Variants in CDH5 observed in about 807,000 individuals in gnomAD.
CDH5 encodes the protein cadherin-5.
CDH5 carries 28 observed loss-of-function variants against 62.0 expected under a neutral mutation model. That is an observed-to-expected ratio of 0.45 (90% confidence interval 0.33 to 0.62). The LOEUF (loss-of-function observed/expected upper bound fraction) is 0.62. Ranked by LOEUF, CDH5 falls within the 20% of genes least tolerant of loss-of-function variation. The pLI, the probability that CDH5 is intolerant of heterozygous loss-of-function variation, is 0.02. For synonymous variants in CDH5, 464 were observed against 445.8 expected, an observed-to-expected ratio of 1.04 and a Z score of -0.52; for missense variants, 940 against 1,065.1, an observed-to-expected ratio of 0.88 and a Z score of 1.63.
chr16:66,395,970 C>A, intron 7 of CDH5, 89 bp from the exon 8 acceptor site: 2 of 1,355,004 alleles, frequency 1.5e-6, no homozygotes, highest in Non-Finnish European at 2.0e-6. Flanking sequence ...ATGCAGGGGA[C>A]AGATGCAGAA....
Position 66,389,507 on chromosome 16 carries a change from C to G in CDH5, c.766C>G (p.Pro256Ala). ...TCTGCAAGACATCAATGACAACTTC[C>G]CCTTCTTCACCCAGAGTGAGCCCCT... ...VTLQDINDNFPFFTQTKYTFV... is the reference protein window; with the variant it reads ...VTLQDINDNFAFFTQTKYTFV... The change falls in exon 5 of 12, where the codon CCC becomes GCC. Residue 256 changes from proline (P) to alanine (A), a missense_variant. Pro to Ala is a conservative substitution (Grantham distance 27, BLOSUM62 -1). Coordinates refer to ENST00000341529, the MANE Select transcript of CDH5 (RefSeq NM_001795.5). The G allele has an allele frequency of 3.1e-6, 5 of 1,593,810 alleles. No homozygotes were observed. Among genetic ancestry groups the G allele is most frequent in the Non-Finnish European group, 4.3e-6 (5 of 1,166,184 alleles).
At position 66,389,458 on chromosome 16, in the gene CDH5, G is replaced by C; in HGVS notation, c.717G>C (p.Ser239=). ...ARDAQGLRGD[S]GTATVLVTLQ... is the part of the protein sequence containing the mutation. ...ATGCCCAGGGCCTCCGGGGGGACTC[G>C]GGCACGGCCACCGTGCTGGTCACTC... Residue 239 remains serine (S), a synonymous_variant, in exon 5 of 12, where the codon TCG becomes TCC. Coordinates refer to ENST00000341529, the MANE Select transcript of CDH5 (RefSeq NM_001795.5). 1 of 1,613,032 alleles carries C rather than the reference G, an allele frequency of 6.2e-7. No individual in the cohort carries two copies. The highest frequency in any genetic ancestry group is 1.1e-5 in the South Asian group (1 of 90,912).
chr16:66,387,058 C>A lies in CDH5; in HGVS notation c.460C>A (p.Arg154=), dbSNP rs565746566. 42 of 1,613,912 alleles carry A rather than the reference C, an allele frequency of 2.6e-5. No individual in the cohort carries two copies. The highest frequency in any genetic ancestry group is 3.5e-5 in the Non-Finnish European group (41 of 1,179,966). The change falls in exon 3 of 12, where the codon CGG becomes AGG. Residue 154 remains arginine, a synonymous_variant. Coordinates refer to ENST00000341529, the MANE Select transcript of CDH5 (RefSeq NM_001795.5). ...VNDNWPVFTH[R]LFNASVPESS... Reference sequence around the variant, plus strand: ...CGACAACTGGCCTGTGTTCACGCATCGGTTGTTCAATGCGTCCGTGCCTGA... The same window carrying A: ...CGACAACTGGCCTGTGTTCACGCATAGGTTGTTCAATGCGTCCGTGCCTGA...
At chr16:66,395,899 A>G (rs1961175961) in intron 7 of CDH5, 160 bp from the exon 8 acceptor site, 1 of 648,994 alleles carries the variant, frequency 1.5e-6, no homozygotes, top group Non-Finnish European at 2.6e-6. Flanking sequence ...CCCTCTGTGT[A>G]GGTCCACTCT....
intron 1 of CDH5, among the ~76,000 whole-genome samples, chr16:66,370,638 C>T (rs1274919754): frequency 1.3e-5 from 2 of 152,146 alleles, no homozygotes; most frequent in East Asian, 3.9e-4. Context: ...CTCTTAGGCC[C>T]AGAACCTGCC....
intron 1 of CDH5, 42 bp from the exon 2 acceptor site, chr16:66,379,277 T>C: frequency 6.9e-7 from 1 of 1,444,984 alleles, no homozygotes; most frequent in South Asian, 1.3e-5. Context: ...ACTCCTTTCA[T>C]CGTCACTGGC....
chr16:66,395,503 C>CTTTTCTTTTTTTTTTTTTTTTTTTTTTT (rs1961164785), intron 7 of CDH5: 2 of 80,958 alleles, frequency 2.5e-5, no homozygotes, highest in Non-Finnish European at 4.4e-5. Flanking sequence ...CTTTTCTTTT[C>CTTTTCTTTTTTTTTTTTTTTTTTTTTTT]TTTTTTTTTT....
In CDH5 at chr16:66,370,457, T is replaced by C. The variant is rs1960667125; in HGVS notation, c.-20+3699T>C. On this transcript the variant is annotated intron_variant, in intron 1 of 11. Coordinates refer to ENST00000341529, the MANE Select transcript of CDH5 (RefSeq NM_001795.5). The stretch of plus-strand genomic sequence containing the variant: ...TTTAAGTTATACCAACAATTGTACC[T>C]ACTCTGACCACCCTACGTGTTGTCT... Among the ~76,000 whole-genome samples, 3 of 152,312 alleles carry C rather than the reference T, an allele frequency of 2.0e-5. No individual in the cohort carries two copies. In the South Asian group the frequency reaches 6.2e-4, roughly 32 times the overall value.
rs2304528 is a variant in CDH5 at position 66,396,234 on chromosome 16, T to G, written c.1360+33T>G. ...GCCACATCTGCCAGGGCACCTGGAT[T>G]CTTTTCCTTTTCCCTCATTCTTCCA... On this transcript the variant is annotated intron_variant, in intron 8 of 11. Coordinates refer to ENST00000341529, the MANE Select transcript of CDH5 (RefSeq NM_001795.5). 8,112 of 1,612,760 alleles carry G rather than the reference T, an allele frequency of 5.0e-3. 249 individuals carry two copies. The East Asian group carries it at 0.086, about 17-fold the overall frequency.
intron 9 of CDH5, 124 bp downstream of exon 9, chr16:66,398,230 C>T: frequency 1.7e-6 from 2 of 1,173,552 alleles, no homozygotes; most frequent in Non-Finnish European, 1.3e-6. Context: ...TAACATTATG[C>T]CCATTTTACA....
chr16:66,397,071 A>G (rs1476675554), intron 8 of CDH5, among the ~76,000 whole-genome samples: 1 of 152,260 alleles, frequency 6.6e-6, no homozygotes, highest in Non-Finnish European at 1.5e-5. Flanking sequence ...CCATGCAGAG[A>G]CAGTTACTAT....
At chr16:66,396,007 G>A (rs1467481638) in intron 7 of CDH5, 52 bp from the exon 8 acceptor site, 12 of 1,586,094 alleles carry the variant, frequency 7.6e-6, no homozygotes, top group Non-Finnish European at 1.0e-5. Flanking sequence ...GCTGAGGAGT[G>A]TAGACTCAGC....
Position 66,402,705 on chromosome 16 carries a change from C to T in CDH5, c.1891C>T (p.His631Tyr). The change falls in exon 12 of 12, where the codon CAC becomes TAC. Residue 631 changes from histidine to tyrosine, a missense_variant. By Grantham distance (83) the His-to-Tyr change is moderately conservative (BLOSUM62 2). Coordinates refer to ENST00000341529, the MANE Select transcript of CDH5 (RefSeq NM_001795.5). ...RRRLRKQARA[H>Y]GKSVPEIHEQ... ...GCGGCTCCGGAAGCAGGCCCGCGCG[C>T]ACGGCAAGAGCGTGCCGGAGATCCA... 1.2e-6 allele frequency: 2 copies of T among 1,608,978 alleles called. No individual in the cohort carries two copies. The highest frequency in any genetic ancestry group is 1.1e-5 in the South Asian group (1 of 90,696).
chr16:66,370,424 G>GGA (rs1216340334), intron 1 of CDH5, among the ~76,000 whole-genome samples: 2 of 152,190 alleles, frequency 1.3e-5, no homozygotes, highest in African/African-American at 4.8e-5. Flanking sequence ...GGAACAAGGA[G>GGA]GAGCTTCTTT....
Position 66,398,068 on chromosome 16 carries a change from T to C in CDH5, c.1447T>C (p.Tyr483His), listed in dbSNP as rs768796798. The C allele has an allele frequency of 3.1e-6, 5 of 1,614,088 alleles. No individual in the cohort carries two copies. The change falls in exon 9 of 12, where the codon TAC (tyrosine) becomes CAC (histidine). Residue 483 changes from tyrosine (Y) to histidine (H), a missense_variant. By Grantham distance (83) the Tyr-to-His change is moderately conservative. Coordinates refer to ENST00000341529, the MANE Select transcript of CDH5 (RefSeq NM_001795.5). Reference sequence around the variant, plus strand: ...CAATGCCCCGGAGTTTGCCAAGCCCTACCAGCCCAAAGTGTGTGAGAACGC... The same window carrying C: ...CAATGCCCCGGAGTTTGCCAAGCCCCACCAGCCCAAAGTGTGTGAGAACGC... Reference protein sequence around the residue: ...NDNAPEFAKPYQPKVCENAVH... With the variant: ...NDNAPEFAKPHQPKVCENAVH...
intron 10 of CDH5, among the ~76,000 whole-genome samples, chr16:66,399,609 C>A (rs145337903): frequency 1.3e-3 from 200 of 152,256 alleles, no homozygotes; most frequent in African/African-American, 4.6e-3. Context: ...ATTCAACACC[C>A]AGTTGTCATT....
intron 5 of CDH5, 114 bp from the exon 6 acceptor site, chr16:66,390,289 A>G (rs1481409313): frequency 1.3e-6 from 1 of 771,164 alleles, no homozygotes; most frequent in East Asian, 2.8e-5. Flanking sequence ...ATTATTTATG[A>G]TTATTTTATT....
intron 1 of CDH5, among the ~76,000 whole-genome samples, chr16:66,375,575 A>G (rs1960770160): frequency 6.6e-6 from 1 of 151,922 alleles, no homozygotes; most frequent in Non-Finnish European, 1.5e-5. Flanking sequence ...AAAATAAAAA[A>G]TGGTACACCT....
intron 1 of CDH5, among the ~76,000 whole-genome samples, chr16:66,378,033 C>T (rs969129935): frequency 6.6e-6 from 1 of 152,150 alleles, no homozygotes; most frequent in Non-Finnish European, 1.5e-5. Flanking sequence ...ATTATGAAGC[C>T]ATTCCTATGA....
Sources: gnomAD v4.1 joint callset for allele counts (sites outside exome capture counted in the v4.1 genomes callset) on GRCh38, gnomAD v4.1.1 for gene constraint, MANE v1.5 for transcripts, NCBI Gene and HGNC (gene_info 2026-07-23, HGNC 2026-07-21) for gene names.